SETD2: variants seen among roughly 807,000 people sequenced by gnomAD.
SETD2 encodes histone-lysine N-methyltransferase SETD2.
In SETD2, 31 loss-of-function variants were observed where a neutral mutation model predicts 242.1. That is an observed-to-expected ratio of 0.13 (90% CI 0.10 to 0.17). The LOEUF (loss-of-function observed/expected upper bound fraction) is 0.17. SETD2 is among the 10% of genes least tolerant of loss of function. The pLI, the probability that SETD2 is intolerant of heterozygous loss-of-function variation, is 1.00. For synonymous variants in SETD2, 1,006 were observed against 1,066.5 expected (o/e 0.94, Z 1.11); for missense variants, 2,481 against 3,046.3 (o/e 0.81, Z 4.37).
intron 14 of SETD2, among the ~76,000 whole-genome samples, chr3:47,058,686 A>G (rs540423726): frequency 6.6e-5 from 10 of 152,194 alleles, no homozygotes; most frequent in African/African-American, 2.4e-4. Flanking sequence ...TATATACTAT[A>G]TATCACTTTT....
chr3:47,137,337 C>G (rs1182832088), intron 1 of SETD2, among the ~76,000 whole-genome samples: 1 of 151,872 alleles, frequency 6.6e-6, no homozygotes, highest in Non-Finnish European at 1.5e-5. Flanking sequence ...AGACTACAGG[C>G]AAGCACCACC....
chr3:47,117,357 C>T (rs567109105), intron 3 of SETD2, among the ~76,000 whole-genome samples: 1 of 151,340 alleles, frequency 6.6e-6, no homozygotes, highest in East Asian at 1.9e-4. Context: ...CAAGACTACT[C>T]ATTCTGGAAC....
At position 47,016,723 on chromosome 3, in the gene SETD2, A is replaced by G. The variant is rs1361980500; in HGVS notation, c.*370T>C. ...TTATTTTCAATATATTCACATATAC[A>G]TTAAAATATAATACAGATCATCAGG... On this transcript the variant is annotated 3_prime_UTR_variant, in exon 21 of 21. Coordinates refer to ENST00000409792, the MANE Select transcript of SETD2 (RefSeq NM_014159.7). The G allele has an allele frequency of 2.0e-5, 5 of 252,206 alleles. No homozygotes were observed. Among genetic ancestry groups the G allele is most frequent in the African/African-American group, 8.7e-5 (4 of 45,976 alleles). The allele number at this position is 252,206 out of a possible 1,614,324, so 15.6% of individuals were successfully genotyped here.
chr3:47,141,198 G>T (rs961238990), intron 1 of SETD2, among the ~76,000 whole-genome samples: 3 of 151,232 alleles, frequency 2.0e-5, no homozygotes, highest in African/African-American at 7.3e-5. Context: ...AGTAGGGATG[G>T]GGTTTCACCA....
At chr3:47,146,001 GCGAGACCCTGTCT>G (rs1421858160) in intron 1 of SETD2, among the ~76,000 whole-genome samples, 12 of 120,010 alleles carry the variant, frequency 1.0e-4, no homozygotes, top group African/African-American at 3.1e-4. Flanking sequence ...GGGTGACAGA[GCGAGACCCTGTCT>G]CAAAAAAAAA....
chr3:47,046,336 C>CA (rs774894080), intron 16 of SETD2, 151 bp downstream of exon 16: 14,432 of 503,766 alleles, frequency 0.029, 1 homozygote, highest in Non-Finnish European at 0.03. Flanking sequence ...GACTCTGTCT[C>CA]AAAAAAAAAA....
At chr3:47,131,504 C>T (rs930739228) in intron 1 of SETD2, among the ~76,000 whole-genome samples, 2 of 151,840 alleles carry the variant, frequency 1.3e-5, no homozygotes, top group African/African-American at 4.8e-5. Context: ...CCACCACACC[C>T]GGCTAATTTT....
chr3:47,097,254 T>C (rs1434492377), intron 9 of SETD2, among the ~76,000 whole-genome samples: 5 of 152,216 alleles, frequency 3.3e-5, no homozygotes, highest in Non-Finnish European at 5.9e-5. Context: ...ATTTTTACTA[T>C]GGATCCAGCC....
rs544140610 is a variant in SETD2, at chr3:47,020,042, T to C, written c.7351-202A>G. 3.3e-5 allele frequency among the ~76,000 whole-genome samples: 5 copies of C among 152,192 alleles called. No individual in the cohort carries two copies. The South Asian group carries it at 1.0e-3, about 32-fold the overall frequency. On this transcript the variant is annotated intron_variant, in intron 18 of 20. Transcript: ENST00000409792. ...TTCAAATCCTGTTACATGGTTTGGC[T>C]CTCCTTCTTATAAGTTAAGTTCCAA...
Position 47,093,185 on chromosome 3 carries a change from T to G in SETD2, c.5142+4770A>C, listed in dbSNP as rs535690796. Among the ~76,000 whole-genome samples the G allele has an allele frequency of 3.2e-4, 49 of 152,274 alleles. 1 individual carries two copies. Among genetic ancestry groups the G allele is most frequent in the Admixed American group, 2.7e-3 (41 of 15,274 alleles). On this transcript the variant is annotated intron_variant, in intron 9 of 20. Coordinates refer to ENST00000409792, the MANE Select transcript of SETD2 (RefSeq NM_014159.7). Reference sequence around the variant, plus strand: ...AAATCATACTGGACAAAATATTTTGTCATGCTTCTTTCACTCAACCTTACA... The same window carrying G: ...AAATCATACTGGACAAAATATTTTGGCATGCTTCTTTCACTCAACCTTACA...
At chr3:47,035,726 T>C (rs1240329715) in intron 18 of SETD2, among the ~76,000 whole-genome samples, 1 of 152,192 alleles carries the variant, frequency 6.6e-6, no homozygotes, top group East Asian at 1.9e-4. Context: ...CTTTATAAAC[T>C]TGGCCCCAGA....
chr3:47,133,717 A>G (rs1253563689), intron 1 of SETD2, among the ~76,000 whole-genome samples: 2 of 152,178 alleles, frequency 1.3e-5, no homozygotes, highest in African/African-American at 4.8e-5. Flanking sequence ...TGGGCCACAG[A>G]GTGAGACCCT....
intron 16 of SETD2, among the ~76,000 whole-genome samples, chr3:47,044,158 T>C (rs989783936): frequency 2.0e-5 from 3 of 151,572 alleles, no homozygotes; most frequent in South Asian, 2.1e-4. Flanking sequence ...CTGGCCAACA[T>C]AGTGAAACCC....
intron 17 of SETD2, among the ~76,000 whole-genome samples, chr3:47,040,891 C>T (rs2039248045): frequency 6.6e-6 from 1 of 152,146 alleles, no homozygotes; most frequent in Non-Finnish European, 1.5e-5. Context: ...CTTATACATA[C>T]TTCTTTTTGT....
chr3:47,085,746 C>T (rs1310295808), intron 11 of SETD2, among the ~76,000 whole-genome samples: 1 of 152,138 alleles, frequency 6.6e-6, no homozygotes, highest in Non-Finnish European at 1.5e-5. Context: ...TGCCAATGAA[C>T]CTTTACTTAG....
intron 9 of SETD2, among the ~76,000 whole-genome samples, chr3:47,097,698 G>C (rs901014069): frequency 1.3e-5 from 2 of 152,204 alleles, no homozygotes; most frequent in African/African-American, 4.8e-5. Flanking sequence ...TGTTTTACTT[G>C]TACTTAGGAG....
intron 15 of SETD2, among the ~76,000 whole-genome samples, chr3:47,051,699 T>A (rs4683322): frequency 6.6e-6 from 1 of 151,260 alleles, no homozygotes. Context: ...TTTTATAAAA[T>A]AATAAAAAAG....
intron 1 of SETD2, among the ~76,000 whole-genome samples, chr3:47,155,333 A>G (rs2044102739): frequency 6.6e-6 from 1 of 152,228 alleles, no homozygotes; most frequent in Non-Finnish European, 1.5e-5. Context: ...AAGAAAGATC[A>G]TGATGCCTGC....
chr3:47,027,296 C>A lies in SETD2; in HGVS notation c.7351-7456G>T, dbSNP rs187055315. On this transcript the variant is annotated intron_variant, in intron 18 of 20. Coordinates refer to ENST00000409792, the MANE Select transcript of SETD2 (RefSeq NM_014159.7). ...AGCTTGCAGTAAGCTGAGATCGCAC[C>A]ACTGCACTCCAGCCTGGGCGACAGA... 4.9e-3 allele frequency among the ~76,000 whole-genome samples: 700 copies of A among 143,560 alleles called. 3 individuals are homozygous for A. Among genetic ancestry groups the A allele is most frequent in the African/African-American group, 0.017 (663 of 38,372 alleles). The allele number at this position is 143,560 out of a possible 152,430, so 94.2% of individuals were successfully genotyped here.
Sources: allele counts gnomAD v4.1 joint callset (sites outside exome capture counted in the v4.1 genomes callset), GRCh38; gene constraint gnomAD v4.1.1; transcripts MANE v1.5; gene names NCBI Gene and HGNC (gene_info 2026-07-23, HGNC 2026-07-21).